The following CTNNA2 variants were observed in gnomAD, a reference collection of about 807,000 sequenced individuals.
The protein encoded by CTNNA2 is catenin alpha-2.
Under a neutral mutation model 101.0 loss-of-function variants are expected in CTNNA2, and 42 were observed. The observed-to-expected ratio is 0.42, with a 90% CI of 0.32 to 0.54. The LOEUF (loss-of-function observed/expected upper bound fraction) is 0.54, where lower values mean the gene tolerates loss of function less well. Among genes scored for constraint, CTNNA2 ranks in the 20% least tolerant of loss-of-function variants. The probability of loss-of-function intolerance (pLI) is 0.14; values close to 1 mark genes in which losing one functional copy is unlikely to be tolerated. For missense variants in CTNNA2, 871 were observed against 1,223.1 expected, an observed-to-expected ratio of 0.71 and a Z score of 4.29; for synonymous variants, 450 against 456.4, an observed-to-expected ratio of 0.99 and a Z score of 0.18.
rs77336538 is a variant in CTNNA2, at chr2:79,342,808, T to C, written c.-318+30012T>C. ...CTGTAGCCATTCTACCTTGGGAGTA[T>C]TTACCATGTGCCTAAGGATGAGTCT... On this transcript the variant is annotated intron_variant, in intron 3 of 21. Transcript: ENST00000466387. Among the ~76,000 whole-genome samples, 88 of 152,290 alleles carry C rather than the reference T, an allele frequency of 5.8e-4. 2 individuals carry two copies. The East Asian group carries it at 0.017, about 29-fold the overall frequency.
chr2:79,422,765 G>A (rs1025307940), intron 4 of CTNNA2, among the ~76,000 whole-genome samples: 3 of 152,148 alleles, frequency 2.0e-5, no homozygotes, highest in Non-Finnish European at 2.9e-5. Context: ...AAAGAATAAA[G>A]TACTTGTTAT....
intron 3 of CTNNA2, among the ~76,000 whole-genome samples, chr2:79,750,056 A>C (rs764992102): frequency 2.0e-5 from 3 of 152,188 alleles, no homozygotes; most frequent in Non-Finnish European, 4.4e-5. Flanking sequence ...TCCGCAAACT[A>C]TGAGTGGATA....
intron 13 of CTNNA2, among the ~76,000 whole-genome samples, chr2:80,581,474 C>T (rs1001786549): frequency 2.0e-5 from 3 of 152,120 alleles, no homozygotes; most frequent in Non-Finnish European, 4.4e-5. Flanking sequence ...GTTAGACTTA[C>T]TATACCTGTA....
At chr2:79,563,232 T>G (rs1438595567) in intron 1 of CTNNA2, among the ~76,000 whole-genome samples, 1 of 150,822 alleles carries the variant, frequency 6.6e-6, no homozygotes, top group African/African-American at 2.4e-5. Flanking sequence ...GATGTGCATA[T>G]GATACATTTA....
At chr2:79,526,767 T>C (rs1442272022) in intron 1 of CTNNA2, among the ~76,000 whole-genome samples, 3 of 152,100 alleles carry the variant, frequency 2.0e-5, no homozygotes, top group South Asian at 4.1e-4. Flanking sequence ...GACAACTGAA[T>C]AAACATTTAC....
In CTNNA2 at chr2:80,311,830, C is replaced by A. The variant is rs191630367; in HGVS notation, c.1057-81381C>A. Among the ~76,000 whole-genome samples, 3 of 152,314 alleles carry A rather than the reference C, an allele frequency of 2.0e-5. No individual in the cohort carries two copies. In the East Asian group the frequency reaches 5.8e-4, roughly 29 times the overall value. Reference sequence around the variant, plus strand: ...CATTTATTTGGGATTTCTATTAACACTAAACCAGAACAGTTTTGAAAACTT... The same window carrying A: ...CATTTATTTGGGATTTCTATTAACAATAAACCAGAACAGTTTTGAAAACTT... On this transcript the variant is annotated intron_variant, in intron 7 of 18. Coordinates refer to ENST00000402739, the MANE Select transcript of CTNNA2 (RefSeq NM_001282597.3).
intron 18 of CTNNA2, among the ~76,000 whole-genome samples, chr2:80,634,481 G>C (rs569492940): frequency 6.8e-6 from 1 of 147,258 alleles, no homozygotes; most frequent in South Asian, 2.5e-4. Flanking sequence ...TAGGAATTGA[G>C]TTAATGAGAG....
chr2:79,468,418 A>G (rs1200970202), intron 4 of CTNNA2, among the ~76,000 whole-genome samples: 1 of 152,162 alleles, frequency 6.6e-6, no homozygotes, highest in Admixed American at 6.5e-5. Context: ...AGACTCCCAC[A>G]CAATAATAAT....
At chr2:79,363,583 CATATA>C (rs1459099341) in intron 3 of CTNNA2, among the ~76,000 whole-genome samples, 1 of 151,536 alleles carries the variant, frequency 6.6e-6, no homozygotes, top group African/African-American at 2.4e-5. Context: ...AAAATCTCAT[CATATA>C]ATATAGAAAA....
intron 7 of CTNNA2, among the ~76,000 whole-genome samples, chr2:80,373,143 A>G (rs548722290): frequency 7.1e-6 from 1 of 140,280 alleles, no homozygotes; most frequent in Non-Finnish European, 1.6e-5. Context: ...TCAGGACCTG[A>G]TCATTCTATG....
intron 7 of CTNNA2, among the ~76,000 whole-genome samples, chr2:80,036,906 G>A (rs1215466540): frequency 1.3e-5 from 2 of 151,686 alleles, no homozygotes; most frequent in African/African-American, 2.4e-5. Context: ...TCTCAATTAG[G>A]AGTTTTGTGA....
intron 3 of CTNNA2, among the ~76,000 whole-genome samples, chr2:79,809,749 A>G (rs945412041): frequency 6.6e-6 from 1 of 152,080 alleles, no homozygotes; most frequent in Non-Finnish European, 1.5e-5. Context: ...TATCACTCTG[A>G]TGATAGTTTC....
intron 7 of CTNNA2, among the ~76,000 whole-genome samples, chr2:80,022,605 A>C (rs1694643302): frequency 6.6e-6 from 1 of 152,152 alleles, no homozygotes; most frequent in Non-Finnish European, 1.5e-5. Flanking sequence ...CTTTACAAAA[A>C]TAAAGTTAAA....
intron 1 of CTNNA2, among the ~76,000 whole-genome samples, chr2:79,595,287 T>C (rs368543503): frequency 6.6e-5 from 10 of 152,318 alleles, no homozygotes; most frequent in African/African-American, 2.4e-4. Flanking sequence ...TTGTTCTACG[T>C]ATGTTCCCGT....
intron 15 of CTNNA2, among the ~76,000 whole-genome samples, chr2:80,593,864 T>C (rs143795526): frequency 1.8e-4 from 28 of 152,302 alleles, no homozygotes; most frequent in African/African-American, 6.7e-4. Context: ...CCACATTTTC[T>C]TTATCCACTC....
intron 7 of CTNNA2, among the ~76,000 whole-genome samples, chr2:80,166,732 G>C (rs536975600): frequency 1.3e-5 from 2 of 152,260 alleles, no homozygotes; most frequent in African/African-American, 4.8e-5. Context: ...GAGGGGTGCA[G>C]TCTTGTGGGA....
At chr2:80,103,285 G>A (rs952879375) in intron 7 of CTNNA2, among the ~76,000 whole-genome samples, 17 of 152,080 alleles carry the variant, frequency 1.1e-4, no homozygotes, top group African/African-American at 3.1e-4. Context: ...CTTTCAAACA[G>A]CCATTTTCTT....
intron 2 of CTNNA2, among the ~76,000 whole-genome samples, chr2:79,293,512 T>C (rs1423676631): frequency 6.6e-6 from 1 of 152,052 alleles, no homozygotes; most frequent in African/African-American, 2.4e-5. Flanking sequence ...ATAGTGCAAA[T>C]CAAATAAGTA....
chr2:80,409,312 G>A (rs943326981), intron 8 of CTNNA2, among the ~76,000 whole-genome samples: 1 of 152,028 alleles, frequency 6.6e-6, no homozygotes, highest in Non-Finnish European at 1.5e-5. Flanking sequence ...AAAAAAAAGT[G>A]CAATATGATG....
Sources: gnomAD v4.1 joint callset for allele counts (sites outside exome capture counted in the v4.1 genomes callset) on GRCh38, gnomAD v4.1.1 for gene constraint, MANE v1.5 for transcripts, NCBI Gene and HGNC (gene_info 2026-07-23, HGNC 2026-07-21) for gene names.